Variants in SNX29 observed in about 807,000 individuals in gnomAD.
The protein encoded by SNX29 is sorting nexin 29.
Under a neutral mutation model 102.1 loss-of-function variants are expected in SNX29, and 78 were observed. The ratio of observed to expected loss-of-function variants is 0.76; its 90% CI spans 0.64 to 0.92. SNX29 has a LOEUF of 0.92. SNX29 is among the 40% of genes least tolerant of loss of function. The pLI, the probability that SNX29 is intolerant of heterozygous loss-of-function variation, is 0.00. For synonymous variants in SNX29, 580 were observed against 414.5 expected (o/e 1.40, Z -4.85); for missense variants, 1,280 against 1,061.7 (o/e 1.21, Z -2.86).
intron 18 of SNX29, among the ~76,000 whole-genome samples, chr16:12,414,479 C>G (rs1313526204): frequency 6.6e-6 from 1 of 152,152 alleles, no homozygotes; most frequent in East Asian, 1.9e-4. Context: ...GTCTCCATAT[C>G]CCATCTTCAC....
chr16:12,136,260 C>T (rs1411630234), intron 13 of SNX29, among the ~76,000 whole-genome samples: 1 of 152,240 alleles, frequency 6.6e-6, no homozygotes, highest in Admixed American at 6.5e-5. Context: ...CACTCTCCCT[C>T]CTTCCTCCCG....
intron 11 of SNX29, among the ~76,000 whole-genome samples, chr16:12,119,360 G>A (rs1270562266): frequency 2.0e-5 from 3 of 152,122 alleles, no homozygotes; most frequent in East Asian, 1.9e-4. Flanking sequence ...TTGAGAGTGC[G>A]CACATGAACA....
chr16:12,205,802 C>G (rs2077031544), intron 14 of SNX29, among the ~76,000 whole-genome samples: 1 of 152,380 alleles, frequency 6.6e-6, no homozygotes, highest in South Asian at 2.1e-4. Flanking sequence ...CCACCTTGCA[C>G]TGTACAGCCC....
chr16:12,066,715 G>C (rs1316170123), intron 9 of SNX29, among the ~76,000 whole-genome samples: 2 of 148,782 alleles, frequency 1.3e-5, no homozygotes, highest in Non-Finnish European at 3.0e-5. Flanking sequence ...TGGGAAGGTT[G>C]AGAGAGGGGA....
chr16:12,239,229 T>C (rs572883585), intron 14 of SNX29, among the ~76,000 whole-genome samples: 2 of 152,322 alleles, frequency 1.3e-5, no homozygotes, highest in South Asian at 4.1e-4. Context: ...AGGTAGCTGA[T>C]GTTCATTGCG....
chr16:12,490,306 C>G (rs2088481419), intron 19 of SNX29, among the ~76,000 whole-genome samples: 1 of 152,206 alleles, frequency 6.6e-6, no homozygotes, highest in Non-Finnish European at 1.5e-5. Flanking sequence ...CCTGTATGTA[C>G]TCCTTTGTAT....
chr16:12,242,599 CTCT>C (rs1400473094), intron 14 of SNX29, among the ~76,000 whole-genome samples: 10 of 150,536 alleles, frequency 6.6e-5, no homozygotes, highest in African/African-American at 2.4e-5. Flanking sequence ...TCTTCTTCTT[CTCT>C]TCTTCTTCTC....
chr16:12,533,600 A>G (rs1209486890), intron 20 of SNX29, among the ~76,000 whole-genome samples: 1 of 152,106 alleles, frequency 6.6e-6, no homozygotes, highest in African/African-American at 2.4e-5. Context: ...TGGAGGGAGG[A>G]GACACCCCGC....
intron 14 of SNX29, among the ~76,000 whole-genome samples, chr16:12,237,028 A>T (rs927064440): frequency 6.6e-6 from 1 of 152,186 alleles, no homozygotes; most frequent in Non-Finnish European, 1.5e-5. Flanking sequence ...TGGCTGGGTC[A>T]TTCTTATAGA....
At chr16:12,423,609 C>T (rs543324137) in intron 18 of SNX29, among the ~76,000 whole-genome samples, 48 of 152,096 alleles carry the variant, frequency 3.2e-4, no homozygotes, top group African/African-American at 1.0e-3. Context: ...CTGGCTCTGT[C>T]GCCCAGGCTG....
intron 14 of SNX29, among the ~76,000 whole-genome samples, chr16:12,215,709 C>T (rs931424648): frequency 2.6e-5 from 4 of 152,230 alleles, no homozygotes; most frequent in South Asian, 4.1e-4. Context: ...CAGAATTCCT[C>T]AGCTTGCACA....
intron 15 of SNX29, among the ~76,000 whole-genome samples, chr16:12,301,117 T>C (rs536414940): frequency 5.9e-5 from 9 of 152,210 alleles, no homozygotes; most frequent in Non-Finnish European, 1.2e-4. Flanking sequence ...TTTCTCTCTT[T>C]CCCTCACTGT....
chr16:12,537,411 C>G (rs1307406327), intron 20 of SNX29, among the ~76,000 whole-genome samples: 3 of 152,222 alleles, frequency 2.0e-5, no homozygotes, highest in Non-Finnish European at 4.4e-5. Context: ...GACCTGGGCT[C>G]AAATTCCAGC....
chr16:12,102,453 G>T (rs1435231251), intron 11 of SNX29, among the ~76,000 whole-genome samples: 1 of 152,058 alleles, frequency 6.6e-6, no homozygotes, highest in African/African-American at 2.4e-5. Flanking sequence ...TTTAATGATC[G>T]CCATTCTAAC....
intron 3 of SNX29, among the ~76,000 whole-genome samples, chr16:12,024,614 G>A (rs1207432102): frequency 1.3e-5 from 2 of 152,186 alleles, no homozygotes; most frequent in Non-Finnish European, 2.9e-5. Flanking sequence ...TAGGTTAGTT[G>A]TGACCTGTGT....
intron 18 of SNX29, among the ~76,000 whole-genome samples, chr16:12,426,148 A>G (rs1420994852): frequency 2.6e-5 from 4 of 152,150 alleles, no homozygotes; most frequent in Non-Finnish European, 5.9e-5. Context: ...AGCTTGGGCT[A>G]AGTTATACTG....
At chr16:12,211,165 A>G (rs1312538656) in intron 14 of SNX29, among the ~76,000 whole-genome samples, 1 of 152,148 alleles carries the variant, frequency 6.6e-6, no homozygotes, top group Non-Finnish European at 1.5e-5. Context: ...GCCAACATTG[A>G]TTGAATACTC....
At chr16:12,441,875 G>A (rs537337152) in intron 18 of SNX29, among the ~76,000 whole-genome samples, 4 of 152,148 alleles carry the variant, frequency 2.6e-5, no homozygotes, top group South Asian at 2.1e-4. Flanking sequence ...TGCAACCTCC[G>A]CCTCCTGGAT....
intron 16 of SNX29, among the ~76,000 whole-genome samples, chr16:12,395,920 A>G (rs1384569646): frequency 6.6e-6 from 1 of 152,256 alleles, no homozygotes; most frequent in African/African-American, 2.4e-5. Context: ...GCCTTTAATT[A>G]TCATCATGCA....
Sources: allele counts gnomAD v4.1 joint callset (sites outside exome capture counted in the v4.1 genomes callset), GRCh38; gene constraint gnomAD v4.1.1; transcripts MANE v1.5; gene names NCBI Gene and HGNC (gene_info 2026-07-23, HGNC 2026-07-21).